ANO3: variants seen among roughly 807,000 people sequenced by gnomAD.
ANO3 encodes anoctamin-3.
Under a neutral mutation model 144.8 loss-of-function variants are expected in ANO3, and 99 were observed. That is an observed-to-expected ratio of 0.68 (90% CI 0.58 to 0.81). The LOEUF (loss-of-function observed/expected upper bound fraction) is 0.81. Among genes scored for constraint, ANO3 ranks in the 30% least tolerant of loss-of-function variants. The probability of loss-of-function intolerance (pLI) is 0.00; values close to 1 mark genes in which losing one functional copy is unlikely to be tolerated. For missense variants in ANO3, 905 were observed against 1,202.2 expected (o/e 0.75, Z 3.66); for synonymous variants, 414 against 392.6 (o/e 1.05, Z -0.64).
At chr11:26,209,323 C>A (rs565322293) in intron 1 of ANO3, among the ~76,000 whole-genome samples, 1 of 152,304 alleles carries the variant, frequency 6.6e-6, no homozygotes, top group South Asian at 2.1e-4. Flanking sequence ...AAGACATGAA[C>A]TCATCTTTTT....
At position 26,649,230 on chromosome 11, in the gene ANO3, A is replaced by G. The variant is rs780357651; in HGVS notation, c.2576+1374A>G. 2.7e-4 allele frequency among the ~76,000 whole-genome samples: 41 copies of G among 152,298 alleles called. 1 individual carries two copies. The Middle Eastern group carries it at 0.024, about 88-fold the overall frequency. On this transcript the variant is annotated intron_variant, in intron 24 of 26. Transcript: ENST00000256737. ...TACATATTACTAATATTTTGAACCC[A>G]TCTTTTCAGATGTATTCTATTCATG...
chr11:26,408,551 G>T (rs1452591691), intron 1 of ANO3, among the ~76,000 whole-genome samples: 1 of 147,906 alleles, frequency 6.8e-6, no homozygotes, highest in East Asian at 2.0e-4. Flanking sequence ...TTCAACCATT[G>T]TGGAAGTCGG....
intron 1 of ANO3, among the ~76,000 whole-genome samples, chr11:26,380,875 G>A (rs887186152): frequency 3.3e-5 from 5 of 151,962 alleles, no homozygotes; most frequent in East Asian, 1.9e-4. Flanking sequence ...CCAGCTACTC[G>A]GGAGGCTGAG....
intron 14 of ANO3, among the ~76,000 whole-genome samples, chr11:26,598,040 A>G (rs1590611621): frequency 1.3e-5 from 2 of 152,318 alleles, no homozygotes; most frequent in African/African-American, 4.8e-5. Context: ...GAGTCTTTAG[A>G]TAATTTTGAA....
intron 26 of ANO3, among the ~76,000 whole-genome samples, chr11:26,657,006 G>T (rs1287873339): frequency 1.3e-5 from 2 of 152,100 alleles, no homozygotes; most frequent in African/African-American, 4.8e-5. Context: ...ATCCTGTGAA[G>T]AAATTTGGCA....
chr11:26,329,438 C>G (rs1433315738), upstream of ANO3, among the ~76,000 whole-genome samples: 1 of 152,068 alleles, frequency 6.6e-6, no homozygotes, highest in Non-Finnish European at 1.5e-5. Context: ...CTAGCAACCT[C>G]CCCTAAAAGA....
chr11:26,400,968 T>C (rs926503605), intron 1 of ANO3, among the ~76,000 whole-genome samples: 1 of 151,882 alleles, frequency 6.6e-6, no homozygotes, highest in African/African-American at 2.4e-5. Flanking sequence ...CATCCTAAAG[T>C]TAAGTATTTC....
intron 1 of ANO3, among the ~76,000 whole-genome samples, chr11:26,299,300 A>G (rs991955367): frequency 6.6e-6 from 1 of 152,226 alleles, no homozygotes; most frequent in African/African-American, 2.4e-5. Flanking sequence ...TGCCCCTAAT[A>G]TATCAAAGAA....
chr11:26,361,313 T>A (rs1855919750), intron 1 of ANO3, among the ~76,000 whole-genome samples: 1 of 152,204 alleles, frequency 6.6e-6, no homozygotes, highest in Non-Finnish European at 1.5e-5. Flanking sequence ...AAAAATCTGA[T>A]GTCATTTTAT....
chr11:26,301,575 A>G (rs977067129), intron 1 of ANO3, among the ~76,000 whole-genome samples: 1 of 152,104 alleles, frequency 6.6e-6, no homozygotes, highest in African/African-American at 2.4e-5. Context: ...AAGATCTAGT[A>G]TTTCTTCCAC....
intron 1 of ANO3, among the ~76,000 whole-genome samples, chr11:26,302,409 C>A (rs770360878): frequency 6.6e-6 from 1 of 152,082 alleles, no homozygotes; most frequent in Non-Finnish European, 1.5e-5. Flanking sequence ...GCAGGAGAAT[C>A]GCTTGAACCT....
At chr11:26,551,905 G>A (rs1008451964) in intron 12 of ANO3, among the ~76,000 whole-genome samples, 3 of 151,910 alleles carry the variant, frequency 2.0e-5, no homozygotes, top group Non-Finnish European at 4.4e-5. Context: ...AAGAGCTATA[G>A]TATATGTAAG....
chr11:26,486,563 G>A (rs994136), intron 4 of ANO3, among the ~76,000 whole-genome samples: 140,836 of 152,154 alleles, frequency 0.93, 65,487 homozygotes, highest in South Asian at 0.97. Flanking sequence ...GCAAGTTTTT[G>A]TTTTAGTTCT....
chr11:26,288,792 T>C (rs1039738735), intron 1 of ANO3, among the ~76,000 whole-genome samples: 1 of 152,046 alleles, frequency 6.6e-6, no homozygotes, highest in African/African-American at 2.4e-5. Flanking sequence ...CTGGCATTTT[T>C]AAATTGAAGA....
At chr11:26,474,987 T>C (rs182187904) in intron 4 of ANO3, among the ~76,000 whole-genome samples, 154 of 152,002 alleles carry the variant, frequency 1.0e-3, no homozygotes, top group African/African-American at 3.5e-3. Context: ...GAAAAACCAA[T>C]AGAAAATCAT....
At chr11:26,630,026 GTC>G (rs1345063315) in intron 18 of ANO3, among the ~76,000 whole-genome samples, 1 of 152,144 alleles carries the variant, frequency 6.6e-6, no homozygotes, top group East Asian at 1.9e-4. Flanking sequence ...GGGTTTTAGT[GTC>G]AGAAATTATG....
At chr11:26,261,077 G>A (rs1162394631) in intron 1 of ANO3, among the ~76,000 whole-genome samples, 1 of 152,134 alleles carries the variant, frequency 6.6e-6, no homozygotes, top group Non-Finnish European at 1.5e-5. Context: ...TAATCTTCAT[G>A]AACAAACATC....
At chr11:26,478,542 A>G (rs151252900) in intron 4 of ANO3, among the ~76,000 whole-genome samples, 2 of 152,282 alleles carry the variant, frequency 1.3e-5, no homozygotes, top group East Asian at 3.9e-4. Context: ...CAAATTTCCC[A>G]AGCTGAATTC....
intron 17 of ANO3, among the ~76,000 whole-genome samples, chr11:26,600,159 A>T (rs16916005): frequency 0.15 from 23,464 of 151,992 alleles, 2,095 homozygotes; most frequent in East Asian, 0.32. Context: ...AATGAAAAAC[A>T]GTAAGGCAAT....
Sources: gnomAD v4.1 joint callset for allele counts (sites outside exome capture counted in the v4.1 genomes callset) on GRCh38, gnomAD v4.1.1 for gene constraint, MANE v1.5 for transcripts, NCBI Gene and HGNC (gene_info 2026-07-23, HGNC 2026-07-21) for gene names.